Variants in PDE8B observed in about 807,000 individuals in gnomAD.
PDE8B encodes the protein high affinity cAMP-specific and IBMX-insensitive 3',5'-cyclic phosphodiesterase 8B.
PDE8B carries 26 observed loss-of-function variants against 101.3 expected under a neutral mutation model. The observed-to-expected ratio is 0.26, with a 90% CI of 0.19 to 0.36. PDE8B has a LOEUF of 0.36. PDE8B is among the 10% of genes least tolerant of loss of function. PDE8B has a pLI of 1.00. For synonymous variants in PDE8B, 424 were observed against 429.3 expected, an observed-to-expected ratio of 0.99 and a Z score of 0.15; for missense variants, 810 against 1,163.1, an observed-to-expected ratio of 0.70 and a Z score of 4.42.
At chr5:77,220,246 C>T (rs1198944363) in intron 1 of PDE8B, among the ~76,000 whole-genome samples, 8 of 152,186 alleles carry the variant, frequency 5.3e-5, no homozygotes, top group Non-Finnish European at 1.2e-4. Flanking sequence ...CCCATTAGGA[C>T]TGTCAAACCC....
At position 77,349,487 on chromosome 5, in the gene PDE8B, T is replaced by C. The variant is rs1296196643; in HGVS notation, c.945T>C (p.Ala315=). 1 of 1,614,158 alleles carries C rather than the reference T, an allele frequency of 6.2e-7. No individual in the cohort carries two copies. Among genetic ancestry groups the C allele is most frequent in the East Asian group, 2.2e-5 (1 of 44,876 alleles). ...GTGAGCTCCTGGGAAAAGAACTCGC[T>C]GATCTGCCCAAAAGCGATAAGAACC... is the stretch of plus-strand genomic sequence containing the variant. The part of the protein sequence containing the change: ...HKGELLGKEL[A]DLPKSDKNRA... The change falls in exon 8 of 22, where the codon GCT becomes GCC. Residue 315 remains alanine, a synonymous_variant. Transcript: ENST00000264917.
At chr5:77,100,397 A>G in the PDE8B span, 1 of 152,262 alleles carries the variant, frequency 6.6e-6, no homozygotes, top group Admixed American at 6.5e-5. Flanking sequence ...TAAAGGTAGG[A>G]GTACTTTTAT....
chr5:77,183,539 T>A, the PDE8B span, among the ~76,000 whole-genome samples: 11 of 152,298 alleles, frequency 7.2e-5, no homozygotes, highest in South Asian at 1.2e-3. Context: ...CCAAGCGACA[T>A]GCAAGAAGGA....
intron 1 of PDE8B, among the ~76,000 whole-genome samples, chr5:77,258,179 C>T (rs1410721651): frequency 6.6e-6 from 1 of 151,202 alleles, no homozygotes; most frequent in Non-Finnish European, 1.5e-5. Context: ...ATCCCAGCTA[C>T]TCAGGAGGCT....
chr5:77,320,054 G>A (rs918405671), intron 2 of PDE8B, among the ~76,000 whole-genome samples: 11 of 152,022 alleles, frequency 7.2e-5, no homozygotes, highest in Admixed American at 7.2e-4. Context: ...AAAATTTTCA[G>A]TATGTTGACA....
intron 1 of PDE8B, among the ~76,000 whole-genome samples, chr5:77,304,484 T>C (rs533820663): frequency 1.3e-5 from 2 of 151,682 alleles, no homozygotes; most frequent in Admixed American, 1.3e-4. Flanking sequence ...CCTTTTTCTC[T>C]TTTATTACAG....
At chr5:77,421,192 A>G (rs1796564029) in intron 19 of PDE8B, among the ~76,000 whole-genome samples, 1 of 152,182 alleles carries the variant, frequency 6.6e-6, no homozygotes, top group Non-Finnish European at 1.5e-5. Context: ...TCCTACTCCA[A>G]GGACCCCACG....
intron 10 of PDE8B, among the ~76,000 whole-genome samples, chr5:77,389,718 A>G (rs1012267261): frequency 6.6e-6 from 1 of 152,168 alleles, no homozygotes; most frequent in Non-Finnish European, 1.5e-5. Context: ...GTTTGAGTGT[A>G]TACTGTCACG....
intron 6 of PDE8B, among the ~76,000 whole-genome samples, chr5:77,339,544 C>CCCAGCTCCTTA (rs1778827636): frequency 6.6e-6 from 1 of 152,082 alleles, no homozygotes. Flanking sequence ...ACGGCCTCTC[C>CCCAGCTCCTTA]CCAGCTCCTT....
At chr5:77,400,164 T>C (rs1262980852) in intron 10 of PDE8B, 84 bp from the exon 11 acceptor site, 13 of 955,396 alleles carry the variant, frequency 1.4e-5, no homozygotes, top group Non-Finnish European at 2.2e-5. Flanking sequence ...CAGAGCTTTT[T>C]AACTAAATTG....
intron 10 of PDE8B, among the ~76,000 whole-genome samples, chr5:77,356,241 T>C (rs1782085546): frequency 6.6e-6 from 1 of 152,188 alleles, no homozygotes; most frequent in African/African-American, 2.4e-5. Context: ...AGCCCCTGCA[T>C]ACTGGTGCGG....
At chr5:77,292,204 G>A (rs190630037) in intron 1 of PDE8B, among the ~76,000 whole-genome samples, 54 of 152,180 alleles carry the variant, frequency 3.5e-4, no homozygotes, top group African/African-American at 1.2e-3. Flanking sequence ...TTTGGTGCTG[G>A]GGTGCATCTT....
chr5:77,129,503 G>GT, the PDE8B span, among the ~76,000 whole-genome samples: 1 of 133,538 alleles, frequency 7.5e-6, no homozygotes. Context: ...CCTTAGAAAT[G>GT]GATTACTTCC....
At chr5:77,143,676 G>T in the PDE8B span, among the ~76,000 whole-genome samples, 1 of 152,048 alleles carries the variant, frequency 6.6e-6, no homozygotes, top group East Asian at 1.9e-4. Flanking sequence ...ACTATAAAAC[G>T]ATGTTACATT....
At chr5:77,416,541 T>C (rs1795595175) in intron 17 of PDE8B, among the ~76,000 whole-genome samples, 1 of 152,166 alleles carries the variant, frequency 6.6e-6, no homozygotes, top group African/African-American at 2.4e-5. Context: ...GCAGAATCAA[T>C]CTCTGAGAAC....
chr5:77,117,667 G>A, the PDE8B span, among the ~76,000 whole-genome samples: 109 of 152,298 alleles, frequency 7.2e-4, 1 homozygote, highest in African/African-American at 2.6e-3. Flanking sequence ...TGATGATCTG[G>A]AAGATGTTTA....
chr5:77,112,669 G>C, the PDE8B span: 1 of 152,112 alleles, frequency 6.6e-6, no homozygotes, highest in Non-Finnish European at 1.5e-5. Flanking sequence ...TCTGGCTAAG[G>C]CAATCAGGCA....
At chr5:77,144,704 C>G in the PDE8B span, 1 of 151,682 alleles carries the variant, frequency 6.6e-6, no homozygotes, top group Non-Finnish European at 1.5e-5. Context: ...CTTTGCAGAC[C>G]GAACCACTAG....
chr5:77,382,483 C>T (rs1787684562), intron 10 of PDE8B, among the ~76,000 whole-genome samples: 1 of 151,986 alleles, frequency 6.6e-6, no homozygotes, highest in African/African-American at 2.4e-5. Flanking sequence ...GCAGAATGTG[C>T]AGATTTGTTA....
Sources: allele counts gnomAD v4.1 joint callset (sites outside exome capture counted in the v4.1 genomes callset), GRCh38; gene constraint gnomAD v4.1.1; transcripts MANE v1.5; gene names NCBI Gene and HGNC (gene_info 2026-07-23, HGNC 2026-07-21).